The following SLC6A13 variants were observed in gnomAD, a reference collection of about 807,000 sequenced individuals.
SLC6A13 encodes the protein sodium- and chloride-dependent GABA transporter 2.
A neutral mutation model predicts 72.9 loss-of-function variants in SLC6A13; 69 were observed. The ratio of observed to expected loss-of-function variants is 0.95; its 90% CI spans 0.78 to 1.16. SLC6A13 has a LOEUF of 1.16. Ranked by LOEUF, SLC6A13 falls within the 50% of genes most tolerant of loss-of-function variation. The pLI is 0.00. For synonymous variants in SLC6A13, 303 were observed against 303.0 expected, an observed-to-expected ratio of 1.00 and a Z score of 0.00; for missense variants, 735 against 760.5, an observed-to-expected ratio of 0.97 and a Z score of 0.39.
At chr12:236,478 C>T (rs536213183) in intron 6 of SLC6A13, among the ~76,000 whole-genome samples, 166 of 152,364 alleles carry the variant, frequency 1.1e-3, no homozygotes, top group African/African-American at 3.9e-3. Context: ...GTTCCATCTC[C>T]CCTATCCCTT....
chr12:223,316 C>T (rs562460076), intron 11 of SLC6A13, 82 bp from the exon 12 acceptor site: 82 of 797,956 alleles, frequency 1.0e-4, no homozygotes, highest in Middle Eastern at 2.3e-4. Flanking sequence ...TAGCTTCACA[C>T]GGTGGAGGCA....
At chr12:222,482 C>A in intron 13 of SLC6A13, 50 bp downstream of exon 13, 1 of 1,216,202 alleles carries the variant, frequency 8.2e-7, no homozygotes, top group Non-Finnish European at 1.2e-6. Context: ...CCCCTGCTAG[C>A]CACCGTCTCT....
rs773313714 is a variant in SLC6A13, at chr12:226,396, C to T, written c.1054G>A (p.Glu352Lys). The T allele has an allele frequency of 6.2e-6, 10 of 1,613,912 alleles. No homozygotes were observed. Among genetic ancestry groups the T allele is most frequent in the East Asian group, 2.2e-5 (1 of 44,860 alleles). ...EQGVPISEVAESGPGLAFIAY... is the reference protein window; with the variant it reads ...EQGVPISEVAKSGPGLAFIAY... Reference sequence around the variant, plus strand: ...CCTCCCCAGTAACACTCACCTGACTCGGCCACCTCAGAAATGGGCACCCCC... The same window carrying T: ...CCTCCCCAGTAACACTCACCTGACTTGGCCACCTCAGAAATGGGCACCCCC... Residue 352 changes from glutamate to lysine, a missense_variant, in exon 9 of 15, where the codon GAG becomes AAG. By Grantham distance (56) the Glu-to-Lys change is moderately conservative (BLOSUM62 1). Transcript: ENST00000343164.
chr12:244,648 C>A (rs371126042), intron 2 of SLC6A13, among the ~76,000 whole-genome samples: 5 of 152,202 alleles, frequency 3.3e-5, no homozygotes, highest in African/African-American at 9.6e-5. Flanking sequence ...TGTGATTGTG[C>A]CACTGCCCTC....
Position 224,404 on chromosome 12 carries a change from G to A in SLC6A13, c.1170C>T (p.Ser390=). The A allele has an allele frequency of 6.2e-7, 1 of 1,613,146 alleles. No individual in the cohort carries two copies. The highest frequency in any genetic ancestry group is 8.5e-7 in the Non-Finnish European group (1 of 1,179,096). ...FFMVVLLGLD[S]QFVCVESLVT... ...CTGAGTGGCTGCCTCTTGATACCTG[G>A]CTATCCAGTCCCAGGAGAACGACCA... Residue 390 remains serine, a synonymous_variant, in exon 10 of 15, where the codon AGC becomes AGT. Transcript: ENST00000343164.
Position 262,190 on chromosome 12 carries a change from TC to T in SLC6A13, c.-6+598del, listed in dbSNP as rs1267054401. 3.9e-5 allele frequency among the ~76,000 whole-genome samples: 6 copies of T among 152,262 alleles called. No individual in the cohort carries two copies. In the East Asian group the frequency reaches 1.2e-3, roughly 29 times the overall value. On this transcript the variant is annotated intron_variant, in intron 1 of 14. Coordinates refer to ENST00000343164, the MANE Select transcript of SLC6A13 (RefSeq NM_016615.5). The stretch of plus-strand genomic sequence containing the variant: ...GGAGAAACAGTAGCCTTCTCCTGGC[TC>T]CCTTAGCCTCATTAGAGCTGCTTCT...
At chr12:226,151 T>C (rs1276343430) in intron 9 of SLC6A13, among the ~76,000 whole-genome samples, 1 of 152,246 alleles carries the variant, frequency 6.6e-6, no homozygotes, top group Non-Finnish European at 1.5e-5. Flanking sequence ...TAACATTGGC[T>C]GCTTCCAGGG....
chr12:232,732 C>G (rs1370589180), intron 7 of SLC6A13, among the ~76,000 whole-genome samples: 1 of 152,200 alleles, frequency 6.6e-6, no homozygotes, highest in Admixed American at 6.5e-5. Context: ...GCTCCTATCC[C>G]ACCAGAAGGT....
At chr12:221,199 G>A (rs1213069280) in intron 14 of SLC6A13, 129 bp from the exon 15 acceptor site, 6 of 1,363,016 alleles carry the variant, frequency 4.4e-6, no homozygotes, top group Non-Finnish European at 5.9e-6. Flanking sequence ...CCCTGTCTGG[G>A]AGTCCCCCTG....
chr12:244,685 C>A (rs1942286924), intron 2 of SLC6A13, among the ~76,000 whole-genome samples: 2 of 151,786 alleles, frequency 1.3e-5, no homozygotes, highest in South Asian at 2.1e-4. Flanking sequence ...CAGAGCAAGA[C>A]CCTGTCCAAA....
intron 7 of SLC6A13, among the ~76,000 whole-genome samples, chr12:231,292 G>T (rs941226621): frequency 1.3e-5 from 2 of 152,236 alleles, no homozygotes; most frequent in Admixed American, 6.5e-5. Flanking sequence ...AACGAGAGGG[G>T]AGCACAGCGT....
chr12:224,757 T>G (rs992033716), intron 9 of SLC6A13, among the ~76,000 whole-genome samples: 2 of 152,144 alleles, frequency 1.3e-5, no homozygotes, highest in Admixed American at 1.3e-4. Flanking sequence ...AGACGGTAGG[T>G]GTAGAGGGCT....
At chr12:231,729 C>T (rs959255215) in intron 7 of SLC6A13, among the ~76,000 whole-genome samples, 1 of 152,188 alleles carries the variant, frequency 6.6e-6, no homozygotes, top group African/African-American at 2.4e-5. Context: ...CAGACAGAGA[C>T]TTATGGCCTC....
intron 9 of SLC6A13, among the ~76,000 whole-genome samples, chr12:225,631 CA>C (rs372190238): frequency 8.3e-5 from 12 of 144,970 alleles, no homozygotes; most frequent in African/African-American, 3.1e-4. Context: ...GCCTGAGTGA[CA>C]GAGCAAGACT....
chr12:221,577 G>T (rs1436461162), intron 13 of SLC6A13, 31 bp from the exon 14 acceptor site: 2 of 1,443,726 alleles, frequency 1.4e-6, no homozygotes, highest in Non-Finnish European at 1.9e-6. Flanking sequence ...GAAAGGGGTT[G>T]GGGGGCGGGG....
intron 13 of SLC6A13, among the ~76,000 whole-genome samples, chr12:221,869 T>C (rs1451002164): frequency 6.6e-6 from 1 of 152,170 alleles, no homozygotes; most frequent in East Asian, 1.9e-4. Flanking sequence ...GGGGTATGAG[T>C]ACCTCAAGGG....
At chr12:229,944 G>C (rs1329012442) in intron 7 of SLC6A13, among the ~76,000 whole-genome samples, 2 of 152,132 alleles carry the variant, frequency 1.3e-5, no homozygotes, top group Non-Finnish European at 2.9e-5. Flanking sequence ...AGGTTAATGA[G>C]AACTAAGGAA....
chr12:224,078 C>T lies in SLC6A13; in HGVS notation c.1225G>A (p.Val409Met), dbSNP rs199946754. 23 of 1,614,164 alleles carry T rather than the reference C, an allele frequency of 1.4e-5. No individual in the cohort carries two copies. In the East Asian group the frequency reaches 1.8e-4, roughly 13 times the overall value. Reference sequence around the variant, plus strand: ...TCCCTCCGGTTCTTCTTGCGGAACACGTGAGGGTACATGTCCACCAGCGCT... The same window carrying T: ...TCCCTCCGGTTCTTCTTGCGGAACATGTGAGGGTACATGTCCACCAGCGCT... ...VTALVDMYPH[V>M]FRKKNRREVL... Residue 409 changes from valine to methionine, a missense_variant, in exon 11 of 15, where the codon GTG (valine) becomes ATG (methionine). Coordinates refer to ENST00000343164, the MANE Select transcript of SLC6A13 (RefSeq NM_016615.5).
intron 7 of SLC6A13, among the ~76,000 whole-genome samples, chr12:233,426 C>T (rs536048556): frequency 1.3e-4 from 20 of 152,260 alleles, no homozygotes; most frequent in African/African-American, 3.9e-4. Context: ...CCTACCCGGA[C>T]GGTAAAAAAG....
Sources: gnomAD v4.1 joint callset for allele counts (sites outside exome capture counted in the v4.1 genomes callset) on GRCh38, gnomAD v4.1.1 for gene constraint, MANE v1.5 for transcripts, NCBI Gene and HGNC (gene_info 2026-07-23, HGNC 2026-07-21) for gene names.